The following MOB3A variants were observed in gnomAD, a reference collection of about 807,000 sequenced individuals.
MOB3A encodes the protein MOB kinase activator 3A.
In MOB3A, 17 loss-of-function variants were observed where a neutral mutation model predicts 17.8. The observed-to-expected ratio is 0.95, with a 90% confidence interval of 0.65 to 1.43. The LOEUF is 1.43. Among genes scored for constraint, MOB3A ranks in the 40% most tolerant of loss-of-function variants. The probability of loss-of-function intolerance (pLI) is 0.00; values close to 1 mark genes in which losing one functional copy is unlikely to be tolerated. For missense variants in MOB3A, 333 were observed against 310.8 expected (o/e 1.07, Z -0.54); for synonymous variants, 124 against 133.2 (o/e 0.93, Z 0.48).
rs573780546 is a variant in MOB3A, at chr19:2,078,646, A to T, written c.-86T>A. On this transcript the variant is annotated 5_prime_UTR_variant, in exon 3 of 5. Coordinates refer to ENST00000357066, the MANE Select transcript of MOB3A (RefSeq NM_130807.3). The stretch of plus-strand genomic sequence containing the variant: ...TGCTGACCAACCCGAGAGGCCACGA[A>T]ACACTCACCAAGCCCCACAGCTCTC... The T allele has an allele frequency of 1.3e-3, 1,757 of 1,322,904 alleles. 35 individuals carry two copies. The South Asian group carries it at 0.024, about 18-fold the overall frequency. The allele number at this position is 1,322,904 out of a possible 1,614,324, so 81.9% of individuals were successfully genotyped here.
chr19:2,089,779 T>TC (rs1031843774), intron 1 of MOB3A, among the ~76,000 whole-genome samples: 5 of 151,948 alleles, frequency 3.3e-5, no homozygotes, highest in African/African-American at 1.2e-4. Context: ...GATTTTTTTT[T>TC]CCCAAATAAC....
intron 1 of MOB3A, among the ~76,000 whole-genome samples, chr19:2,092,685 G>A (rs1484864558): frequency 4.1e-5 from 6 of 148,130 alleles, no homozygotes; most frequent in Non-Finnish European, 7.4e-5. Flanking sequence ...TTGAGCTCAG[G>A]AGGCGGAGGC....
At chr19:2,089,333 A>G (rs189991491) in intron 1 of MOB3A, among the ~76,000 whole-genome samples, 92 of 152,240 alleles carry the variant, frequency 6.0e-4, no homozygotes, top group Admixed American at 9.8e-4. Context: ...CAGATCCTTC[A>G]ATTCTGAATC....
Position 2,071,833 on chromosome 19 carries a change from TAAGCA to T in MOB3A, c.*1557_*1561del, listed in dbSNP as rs2017341280. 1 of 153,186 alleles carries T rather than the reference TAAGCA, an allele frequency of 6.5e-6. No homozygotes were observed. Among genetic ancestry groups the T allele is most frequent in the Non-Finnish European group, 1.5e-5 (1 of 68,616 alleles). 9.5% of individuals were successfully genotyped at this position (153,186 alleles called of 1,614,324 possible). A position where few individuals can be genotyped will look rare whatever the true frequency, so the allele number is the denominator to read the frequency against. On this transcript the variant is annotated 3_prime_UTR_variant, in exon 5 of 5. Transcript: ENST00000357066. ...AGAAGAGTCCTGCTTGGGTTGATCA[TAAGCA>T]AAGTGGACATCGTTCCGAAGAGGCA...
chr19:2,089,759 G>T (rs540998808), intron 1 of MOB3A, among the ~76,000 whole-genome samples: 15 of 152,182 alleles, frequency 9.9e-5, no homozygotes, highest in African/African-American at 3.4e-4. Context: ...TGTGAGCAGG[G>T]AGCAGACTTG....
At chr19:2,077,819 T>C (rs2017431505) in intron 3 of MOB3A, among the ~76,000 whole-genome samples, 1 of 151,784 alleles carries the variant, frequency 6.6e-6, no homozygotes, top group South Asian at 2.1e-4. Context: ...GGTCTTGCTC[T>C]GTCACCCAGG....
At position 2,073,485 on chromosome 19, in the gene MOB3A, C is replaced by T. The variant is rs2017365959; in HGVS notation, c.625-61G>A. On this transcript the variant is annotated intron_variant, in intron 4 of 4. Transcript: ENST00000357066. ...CCACTCCTAAAAGGGGTGATGCGAA[C>T]AGCAGACACACGGAGACGCACAGGC... 3.1e-6 allele frequency: 5 copies of T among 1,608,008 alleles called. No individual in the cohort carries two copies. In the South Asian group the frequency reaches 4.4e-5, roughly 14 times the overall value.
intron 2 of MOB3A, among the ~76,000 whole-genome samples, chr19:2,079,604 C>T (rs982882770): frequency 6.6e-6 from 1 of 152,170 alleles, no homozygotes; most frequent in African/African-American, 2.4e-5. Flanking sequence ...CTCAGAGGGA[C>T]CCAGCCCCGC....
chr19:2,077,034 C>A (rs2017420151), intron 3 of MOB3A, 21 bp from the exon 4 acceptor site: 2 of 1,603,286 alleles, frequency 1.2e-6, no homozygotes, highest in East Asian at 2.2e-5. Flanking sequence ...AGGGGTGGGA[C>A]GGGTCCACGG....
intron 2 of MOB3A, among the ~76,000 whole-genome samples, chr19:2,080,100 G>A (rs547670508): frequency 2.6e-5 from 4 of 152,198 alleles, no homozygotes; most frequent in African/African-American, 4.8e-5. Flanking sequence ...CCAGGACGCC[G>A]GCACCGTGGC....
rs190155531 is a variant in MOB3A at position 2,083,512 on chromosome 19, G to A, written c.-120+1663C>T. On this transcript the variant is annotated intron_variant, in intron 2 of 4. Transcript: ENST00000357066. ...GGCACTGAGCGAGATGCTCCTCCAC[G>A]CTGGGAATCAATCACCTCAGTCCCC... 9.2e-5 allele frequency among the ~76,000 whole-genome samples: 14 copies of A among 152,306 alleles called. No homozygotes were observed. The East Asian group carries it at 2.1e-3, about 23-fold the overall frequency.
At chr19:2,084,324 C>A in intron 2 of MOB3A, 1 of 348,294 alleles carries the variant, frequency 2.9e-6, no homozygotes, top group Non-Finnish European at 5.7e-6. Context: ...GAAACCCTAT[C>A]TCCACTAAAA....
chr19:2,081,258 G>T (rs1035949230), intron 2 of MOB3A, among the ~76,000 whole-genome samples: 3 of 152,172 alleles, frequency 2.0e-5, no homozygotes, highest in African/African-American at 7.2e-5. Context: ...AGGGCCTGGG[G>T]GTCGGGGGGA....
intron 1 of MOB3A, among the ~76,000 whole-genome samples, chr19:2,088,951 CTAGT>C (rs1433498226): frequency 2.0e-5 from 3 of 152,210 alleles, no homozygotes; most frequent in African/African-American, 7.2e-5. Flanking sequence ...AACCTCACCA[CTAGT>C]TAGTACACAG....
chr19:2,074,997 G>GT (rs1239951364), intron 4 of MOB3A, among the ~76,000 whole-genome samples: 6 of 151,178 alleles, frequency 4.0e-5, no homozygotes, highest in Non-Finnish European at 7.4e-5. Context: ...GATTACAGGC[G>GT]TGAGCCACCA....
intron 2 of MOB3A, among the ~76,000 whole-genome samples, chr19:2,081,744 C>T (rs1220762229): frequency 3.3e-5 from 5 of 151,968 alleles, no homozygotes; most frequent in South Asian, 2.1e-4. Flanking sequence ...ATTAGCCAGG[C>T]GTGATGGTGC....
chr19:2,092,063 A>G (rs575925849), intron 1 of MOB3A, among the ~76,000 whole-genome samples: 3 of 143,434 alleles, frequency 2.1e-5, no homozygotes, highest in Non-Finnish European at 4.6e-5. Context: ...ATAAGGAACT[A>G]TTGTGTCTGG....
At position 2,078,255 on chromosome 19, in the gene MOB3A, C is replaced by T. The variant is rs531617174; in HGVS notation, c.306G>A (p.Gln102=). 4.3e-6 allele frequency: 7 copies of T among 1,614,112 alleles called. No individual in the cohort carries two copies. The Admixed American group carries it at 1.0e-4, about 23-fold the overall frequency. ...TGGGCTTCCGGAACTTATGCTCATCCTGCCAGCGGTACTCATACTTGGGGC... is the reference window on the plus strand; with the variant it reads ...TGGGCTTCCGGAACTTATGCTCATCTTGCCAGCGGTACTCATACTTGGGGC... ...SGGPKYEYRW[Q]DEHKFRKPTA... The change falls in exon 3 of 5, where the codon CAG becomes CAA. Residue 102 remains glutamine (Q), a synonymous_variant. Coordinates refer to ENST00000357066, the MANE Select transcript of MOB3A (RefSeq NM_130807.3).
intron 2 of MOB3A, among the ~76,000 whole-genome samples, chr19:2,080,327 C>T (rs538527816): frequency 5.9e-5 from 9 of 152,046 alleles, no homozygotes; most frequent in African/African-American, 1.7e-4. Context: ...CTCCACGCAA[C>T]GCTCACAAGT....
Sources: gnomAD v4.1 joint callset for allele counts (sites outside exome capture counted in the v4.1 genomes callset) on GRCh38, gnomAD v4.1.1 for gene constraint, MANE v1.5 for transcripts, NCBI Gene and HGNC (gene_info 2026-07-23, HGNC 2026-07-21) for gene names.